The following CACHD1 variants were observed in gnomAD, a reference collection of about 807,000 sequenced individuals.
The protein encoded by CACHD1 is VWFA and cache domain-containing protein 1.
In CACHD1, 71 loss-of-function variants were observed where a neutral mutation model predicts 138.7. The observed-to-expected ratio is 0.51, with a 90% CI of 0.42 to 0.62. The LOEUF is 0.62. Among genes scored for constraint, CACHD1 ranks in the 20% least tolerant of loss-of-function variants. The probability of loss-of-function intolerance (pLI) is 0.00; values close to 1 mark genes in which losing one functional copy is unlikely to be tolerated. For missense variants in CACHD1, 1,389 were observed against 1,625.3 expected (o/e 0.85, Z 2.50); for synonymous variants, 578 against 591.5 (o/e 0.98, Z 0.33).
At position 64,534,339 on chromosome 1, in the gene CACHD1, C is replaced by T. The variant is rs11208462; in HGVS notation, c.199-16255C>T. Among the ~76,000 whole-genome samples, 98 of 152,178 alleles carry T rather than the reference C, an allele frequency of 6.4e-4. 1 individual carries two copies. Among genetic ancestry groups the T allele is most frequent in the East Asian group, 2.3e-3 (12 of 5,170 alleles). The stretch of plus-strand genomic sequence containing the variant: ...GATTACAGGTGTGAGCCACCGCGCC[C>T]GGCCATCTTTTTCTTTCTGTTGTGT... On this transcript the variant is annotated intron_variant, in intron 1 of 26. Transcript: ENST00000651257.
chr1:64,474,429 G>A (rs1031829557), intron 1 of CACHD1, among the ~76,000 whole-genome samples: 2 of 152,216 alleles, frequency 1.3e-5, no homozygotes, highest in Non-Finnish European at 2.9e-5. Flanking sequence ...GTAAAATTGA[G>A]GATGGTGATT....
At chr1:64,673,027 A>G (rs1649865275) in intron 17 of CACHD1, 131 bp from the exon 18 acceptor site, 1 of 801,840 alleles carries the variant, frequency 1.2e-6, no homozygotes, top group Non-Finnish European at 2.1e-6. Flanking sequence ...CATTTTTCCA[A>G]TGAGTATTTA....
At chr1:64,600,922 C>T (rs779847096) in intron 3 of CACHD1, among the ~76,000 whole-genome samples, 31 of 152,240 alleles carry the variant, frequency 2.0e-4, no homozygotes, top group East Asian at 3.9e-4. Flanking sequence ...CAAACTAAGA[C>T]GAAATAAAAT....
chr1:64,679,688 C>T lies in CACHD1; in HGVS notation c.3338C>T (p.Ala1113Val), dbSNP rs140399585. ...GGATGCATCATGGTCTTGGTCCTGG[C>T]GGTGTATGCCTACCGCCACCAGATT... is the stretch of plus-strand genomic sequence containing the variant. ...IMGCIMVLVL[A>V]VYAYRHQIHR... The change falls in exon 24 of 27, where the codon GCG becomes GTG. Residue 1113 changes from alanine (A) to valine (V), a missense_variant. Ala to Val is a moderately conservative substitution (Grantham distance 64, BLOSUM62 0). Around this residue, in one of 5 missense-constraint regions of CACHD1, gnomAD observed 250 missense variants for 292.9 expected, o/e 0.85. Coordinates refer to ENST00000651257, the MANE Select transcript of CACHD1 (RefSeq NM_020925.4). 84 of 1,614,024 alleles carry T rather than the reference C, an allele frequency of 5.2e-5. No individual in the cohort carries two copies. The highest frequency in any genetic ancestry group is 1.2e-4 in the South Asian group (11 of 91,088).
intron 15 of CACHD1, among the ~76,000 whole-genome samples, chr1:64,665,745 G>A (rs532501256): frequency 3.3e-5 from 5 of 152,196 alleles, no homozygotes; most frequent in Admixed American, 6.5e-5. Flanking sequence ...GGCCGGGTGC[G>A]GTGACTCACA....
intron 3 of CACHD1, among the ~76,000 whole-genome samples, chr1:64,593,782 C>T (rs1647126760): frequency 6.6e-6 from 1 of 152,166 alleles, no homozygotes; most frequent in African/African-American, 2.4e-5. Flanking sequence ...AAAGATATTA[C>T]AGAAAGCTTT....
chr1:64,492,301 T>G (rs1646280881), intron 1 of CACHD1, among the ~76,000 whole-genome samples: 1 of 147,312 alleles, frequency 6.8e-6, no homozygotes, highest in African/African-American at 2.4e-5. Flanking sequence ...CTTTGTTGCT[T>G]GAAGAATAAC....
In CACHD1 at chr1:64,634,193, C is replaced by T. The variant is rs374614547; in HGVS notation, c.939C>T (p.His313=). ...AGTCTTCAGACAGTCCTACCCAGCA[C>T]GCAGTGGGATTCCAAAAGGCATTTC... ...SVKSSDSPTQ[H]AVGFQKAFQL... is the part of the protein sequence containing the mutation. The change falls in exon 7 of 27, where the codon CAC becomes CAT. Residue 313 remains histidine (H), a synonymous_variant. Transcript: ENST00000651257. 1.9e-5 allele frequency: 30 copies of T among 1,613,730 alleles called. No homozygotes were observed. The highest frequency in any genetic ancestry group is 3.3e-5 in the South Asian group (3 of 91,074).
intron 1 of CACHD1, among the ~76,000 whole-genome samples, chr1:64,479,358 C>G (rs148410882): frequency 6.6e-6 from 1 of 152,146 alleles, no homozygotes; most frequent in East Asian, 1.9e-4. Flanking sequence ...GGGATGTTAA[C>G]CTATTTAAGG....
chr1:64,566,478 T>TCC (rs1570372376), intron 2 of CACHD1, among the ~76,000 whole-genome samples: 3 of 4,996 alleles, frequency 6.0e-4, no homozygotes, highest in Admixed American at 4.6e-3. Context: ...ATGTTTTCAA[T>TCC]TCCCCCCCCC....
At chr1:64,484,084 T>C (rs1030344099) in intron 1 of CACHD1, among the ~76,000 whole-genome samples, 2 of 152,148 alleles carry the variant, frequency 1.3e-5, no homozygotes, top group African/African-American at 4.8e-5. Flanking sequence ...AAGCACTGTA[T>C]TGTTCAATGC....
At chr1:64,639,397 A>G (rs781586921) in intron 7 of CACHD1, among the ~76,000 whole-genome samples, 3 of 152,226 alleles carry the variant, frequency 2.0e-5, no homozygotes, top group Non-Finnish European at 4.4e-5. Flanking sequence ...GTTGACATCT[A>G]ATTTAAGACA....
chr1:64,674,203 A>G (rs1649911957), intron 19 of CACHD1, among the ~76,000 whole-genome samples: 2 of 152,206 alleles, frequency 1.3e-5, no homozygotes, highest in African/African-American at 4.8e-5. Flanking sequence ...GCAGAAAGCA[A>G]TTATCTGGTG....
intron 25 of CACHD1, among the ~76,000 whole-genome samples, chr1:64,681,566 C>CTTTTTTTTTTTTTTTTT (rs1650192741): frequency 2.0e-5 from 1 of 50,502 alleles, no homozygotes; most frequent in African/African-American, 1.8e-4. Flanking sequence ...TTTTTTTTTG[C>CTTTTTTTTTTTTTTTTT]ATTAAGTGTG....
At chr1:64,682,874 A>T (rs1019646283) in intron 26 of CACHD1, among the ~76,000 whole-genome samples, 1 of 149,434 alleles carries the variant, frequency 6.7e-6, no homozygotes, top group Non-Finnish European at 1.5e-5. Flanking sequence ...AGATGTGGGT[A>T]GTGTTTTTCC....
chr1:64,668,743 TAGC>T (rs771249297), intron 16 of CACHD1, among the ~76,000 whole-genome samples: 8 of 152,236 alleles, frequency 5.3e-5, no homozygotes, highest in Non-Finnish European at 1.2e-4. Flanking sequence ...ATATTTTGCT[TAGC>T]AGAGTGTGAT....
rs369788799 is a variant in CACHD1, at chr1:64,647,981, G to A, written c.1337G>A (p.Arg446Gln). Reference sequence around the variant, plus strand: ...AGGTTCTACACAAACCTTCCCAACCGGATGATTGATGAAGCCGTCTTCAGC... The same window carrying A: ...AGGTTCTACACAAACCTTCCCAACCAGATGATTGATGAAGCCGTCTTCAGC... ...VGRFYTNLPN[R>Q]MIDEAVFSLP... The change falls in exon 9 of 27, where the codon CGG (arginine) becomes CAG (glutamine). Residue 446 changes from arginine (R) to glutamine (Q), a missense_variant. Coordinates refer to ENST00000651257, the MANE Select transcript of CACHD1 (RefSeq NM_020925.4). The A allele has an allele frequency of 4.2e-5, 67 of 1,613,818 alleles. 1 individual carries two copies. The highest frequency in any genetic ancestry group is 5.1e-5 in the Non-Finnish European group (60 of 1,179,980).
At chr1:64,605,911 GAGTT>G (rs1210097095) in intron 4 of CACHD1, among the ~76,000 whole-genome samples, 1 of 152,148 alleles carries the variant, frequency 6.6e-6, no homozygotes, top group Non-Finnish European at 1.5e-5. Flanking sequence ...TGCTCTGAAT[GAGTT>G]AGAAGGCCAT....
intron 1 of CACHD1, among the ~76,000 whole-genome samples, chr1:64,543,427 T>TA (rs1646693613): frequency 2.9e-5 from 2 of 68,384 alleles, no homozygotes; most frequent in East Asian, 3.5e-4. Flanking sequence ...ATATATATAT[T>TA]TAAATTAGCC....
Sources: gnomAD v4.1 joint callset for allele counts (sites outside exome capture counted in the v4.1 genomes callset) on GRCh38, gnomAD v4.1.1 for gene constraint, gnomAD v4.1.1 regional missense constraint, MANE v1.5 for transcripts, NCBI Gene and HGNC (gene_info 2026-07-23, HGNC 2026-07-21) for gene names.